PRR16: variants seen among roughly 807,000 people sequenced by gnomAD.
PRR16 encodes the protein proline rich 16.
Under a neutral mutation model 18.2 loss-of-function variants are expected in PRR16, and 6 were observed. That is an observed-to-expected ratio of 0.33 (90% CI 0.18 to 0.65). The LOEUF (loss-of-function observed/expected upper bound fraction) is 0.65. Ranked by LOEUF, PRR16 falls within the 30% of genes least tolerant of loss-of-function variation. PRR16 has a pLI of 0.74. For missense variants in PRR16, 412 were observed against 376.6 expected (o/e 1.09, Z -0.78); for synonymous variants, 151 against 147.8 (o/e 1.02, Z -0.16).
chr5:120,572,198 G>A (rs1437886163), intron 1 of PRR16, among the ~76,000 whole-genome samples: 2 of 152,134 alleles, frequency 1.3e-5, no homozygotes, highest in Admixed American at 1.3e-4. Flanking sequence ...AAAGCAGTCA[G>A]ACAGCCCACC....
intron 1 of PRR16, among the ~76,000 whole-genome samples, chr5:120,595,709 A>G (rs1753777738): frequency 6.6e-6 from 1 of 151,896 alleles, no homozygotes; most frequent in Non-Finnish European, 1.5e-5. Context: ...CAATGACTCA[A>G]TCACTTTGTT....
At chr5:120,472,820 A>G (rs890368924) in intron 1 of PRR16, among the ~76,000 whole-genome samples, 1 of 152,126 alleles carries the variant, frequency 6.6e-6, no homozygotes. Flanking sequence ...GACTTTGCAA[A>G]AGCTGTAGAA....
At chr5:120,707,984 T>TTC in the PRR16 span, among the ~76,000 whole-genome samples, 1 of 152,322 alleles carries the variant, frequency 6.6e-6, no homozygotes, top group South Asian at 2.1e-4. Flanking sequence ...GTTTGGTTTT[T>TTC]AGCTTCTAAG....
chr5:120,743,292 T>C, the PRR16 span, among the ~76,000 whole-genome samples: 3 of 152,196 alleles, frequency 2.0e-5, no homozygotes, highest in Admixed American at 2.0e-4. Context: ...GTTCCTTTTA[T>C]ATCTTGGTTA....
chr5:120,582,920 T>C (rs562892783), intron 1 of PRR16, among the ~76,000 whole-genome samples: 1 of 152,368 alleles, frequency 6.6e-6, no homozygotes, highest in African/African-American at 2.4e-5. Context: ...AATAATCACC[T>C]ATAATCTCTA....
intron 1 of PRR16, among the ~76,000 whole-genome samples, chr5:120,536,308 C>T (rs1751713919): frequency 6.6e-6 from 1 of 152,170 alleles, no homozygotes. Flanking sequence ...ACAAGTAATT[C>T]ATCTATGGAA....
chr5:120,745,860 G>C, the PRR16 span, among the ~76,000 whole-genome samples: 1 of 129,732 alleles, frequency 7.7e-6, no homozygotes, highest in African/African-American at 3.2e-5. Flanking sequence ...CACCACGCCC[G>C]GGTAATTTTT....
the PRR16 span, among the ~76,000 whole-genome samples, chr5:120,765,699 A>T: frequency 6.6e-6 from 1 of 152,042 alleles, no homozygotes; most frequent in Non-Finnish European, 1.5e-5. Context: ...AACTAAACAT[A>T]GTATGTAACT....
chr5:120,630,761 T>C (rs772047030), intron 1 of PRR16, among the ~76,000 whole-genome samples: 12 of 152,154 alleles, frequency 7.9e-5, no homozygotes, highest in African/African-American at 2.4e-4. Context: ...CCAAATTGTT[T>C]AGTTACCCAG....
the PRR16 span, among the ~76,000 whole-genome samples, chr5:120,761,389 T>C: frequency 7.2e-5 from 11 of 152,074 alleles, no homozygotes; most frequent in Non-Finnish European, 2.9e-5. Context: ...TGATTTTTTT[T>C]CCCCTTGGCA....
At chr5:120,779,293 G>C in the PRR16 span, among the ~76,000 whole-genome samples, 1 of 152,052 alleles carries the variant, frequency 6.6e-6, no homozygotes, top group Non-Finnish European at 1.5e-5. Flanking sequence ...GGATGAAAAA[G>C]TTTTCAAAAA....
the PRR16 span, among the ~76,000 whole-genome samples, chr5:120,765,114 C>G: frequency 1.6e-5 from 2 of 121,806 alleles, no homozygotes; most frequent in African/African-American, 7.8e-5. Flanking sequence ...ACTTATAACA[C>G]CATAAAAGAG....
At chr5:120,534,712 C>G (rs906442903) in intron 1 of PRR16, among the ~76,000 whole-genome samples, 15 of 152,126 alleles carry the variant, frequency 9.9e-5, no homozygotes, top group African/African-American at 3.1e-4. Flanking sequence ...CAGTGAATTT[C>G]CAAAGATTGT....
intron 1 of PRR16, among the ~76,000 whole-genome samples, chr5:120,625,403 C>G (rs1280083358): frequency 6.6e-6 from 1 of 152,154 alleles, no homozygotes; most frequent in Non-Finnish European, 1.5e-5. Flanking sequence ...AATCACAACT[C>G]AATGCAGACT....
chr5:120,754,255 TAAAA>T, the PRR16 span, among the ~76,000 whole-genome samples: 1 of 20,790 alleles, frequency 4.8e-5, no homozygotes, highest in South Asian at 1.4e-3. Context: ...TATTATAATA[TAAAA>T]ATATAAATAT....
intron 1 of PRR16, among the ~76,000 whole-genome samples, chr5:120,595,807 GTT>G (rs554925987): frequency 3.8e-4 from 58 of 152,056 alleles, no homozygotes; most frequent in African/African-American, 1.3e-3. Flanking sequence ...ACTTTGAAGA[GTT>G]TTGGATCTCT....
chr5:120,723,746 T>C, the PRR16 span, among the ~76,000 whole-genome samples: 1 of 151,950 alleles, frequency 6.6e-6, no homozygotes, highest in East Asian at 1.9e-4. Flanking sequence ...GCCATGTACT[T>C]CTTGTTCATT....
rs76612436 is a variant in PRR16, at chr5:120,620,328, G to A, written c.160-65626G>A. ...AGTTGTAATGGTGAAACAGGCAGAC[G>A]AGCTTCATGATTATGTTGCAGTGCT... On this transcript the variant is annotated intron_variant, in intron 1 of 1. Transcript: ENST00000407149. Among the ~76,000 whole-genome samples the A allele has an allele frequency of 4.2e-3, 643 of 152,244 alleles. 3 individuals are homozygous for A. The highest frequency in any genetic ancestry group is 0.015 in the African/African-American group (614 of 41,540).
At chr5:120,479,429 C>T (rs1464684652) in intron 1 of PRR16, among the ~76,000 whole-genome samples, 1 of 152,006 alleles carries the variant, frequency 6.6e-6, no homozygotes, top group Non-Finnish European at 1.5e-5. Context: ...TTCCAGCATG[C>T]TATATTTATG....
Sources: gnomAD v4.1 joint callset for allele counts (sites outside exome capture counted in the v4.1 genomes callset) on GRCh38, gnomAD v4.1.1 for gene constraint, MANE v1.5 for transcripts, NCBI Gene and HGNC (gene_info 2026-07-23, HGNC 2026-07-21) for gene names.